Variants in GAS6 observed in about 807,000 individuals in gnomAD.
The protein encoded by GAS6 is growth arrest-specific protein 6.
GAS6 carries 41 observed loss-of-function variants against 75.8 expected under a neutral mutation model. The observed-to-expected ratio is 0.54, with a 90% CI of 0.42 to 0.70. GAS6 has a LOEUF of 0.70. Among genes scored for constraint, GAS6 ranks in the 30% least tolerant of loss-of-function variants. The probability of loss-of-function intolerance (pLI) is 0.00; values close to 1 mark genes in which losing one functional copy is unlikely to be tolerated. For synonymous variants in GAS6, 432 were observed against 412.6 expected (o/e 1.05, Z -0.57); for missense variants, 854 against 940.2 (o/e 0.91, Z 1.20).
intron 2 of GAS6, among the ~76,000 whole-genome samples, chr13:113,850,670 C>T (rs1341503692): frequency 1.3e-5 from 2 of 152,222 alleles, no homozygotes; most frequent in African/African-American, 4.8e-5. Context: ...GCCTCATGAG[C>T]CGTCACCAAA....
chr13:113,843,835 T>A (rs1232207979), intron 4 of GAS6: 1 of 150,834 alleles, frequency 6.6e-6, no homozygotes, highest in Non-Finnish European at 1.5e-5. Context: ...CAATGACCGA[T>A]AACCAGTGAA....
intron 6 of GAS6, chr13:113,836,003 A>C: frequency 9.6e-7 from 1 of 1,039,042 alleles, no homozygotes; most frequent in Non-Finnish European, 1.2e-6. Flanking sequence ...TTTGAAACTA[A>C]AACCCCAACC....
chr13:113,841,925 GC>G (rs1194113258), intron 4 of GAS6: 1 of 125,778 alleles, frequency 8.0e-6, no homozygotes, highest in African/African-American at 3.2e-5. Context: ...TCCTCCATAC[GC>G]CCCCCAGTTT....
intron 2 of GAS6, among the ~76,000 whole-genome samples, chr13:113,859,440 G>A (rs2051952075): frequency 6.6e-6 from 1 of 151,948 alleles, no homozygotes; most frequent in African/African-American, 2.4e-5. Context: ...TGTCTGGACA[G>A]TGTGTGACTG....
At chr13:113,841,269 C>T (rs764379975) in intron 4 of GAS6, 5 of 152,498 alleles carry the variant, frequency 3.3e-5, no homozygotes, top group Non-Finnish European at 7.3e-5. Flanking sequence ...TGCCTGTGGC[C>T]GGCACAGACA....
chr13:113,833,916 G>GTCATGC (rs1446786833), intron 8 of GAS6, among the ~76,000 whole-genome samples: 4 of 149,904 alleles, frequency 2.7e-5, no homozygotes, highest in Admixed American at 6.6e-5. Context: ...TGACAGGTCG[G>GTCATGC]TGTGACAGGC....
In GAS6 at chr13:113,848,172, C is replaced by A. The variant is rs577401301; in HGVS notation, c.256-122G>T. On this transcript the variant is annotated intron_variant, in intron 2 of 14. Transcript: ENST00000327773. This position sits in a 1 kb window ranked among gnomAD's most constrained non-coding sequence, Gnocchi z 4.8. ...CGGGGCAGCCAGAGGGCCGCCCCACCCGGGGAACTGAGGGGAAGTGACCGG... is the reference window on the plus strand; with the variant it reads ...CGGGGCAGCCAGAGGGCCGCCCCACACGGGGAACTGAGGGGAAGTGACCGG... The A allele has an allele frequency of 6.4e-5, 65 of 1,014,382 alleles. No individual in the cohort carries two copies. The African/African-American group carries it at 1.0e-3, about 16-fold the overall frequency. The allele number at this position is 1,014,382 out of a possible 1,614,324, so 62.8% of individuals were successfully genotyped here.
intron 2 of GAS6, among the ~76,000 whole-genome samples, chr13:113,854,354 C>T (rs56371873): frequency 0.12 from 18,299 of 152,290 alleles, 1,799 homozygotes; most frequent in African/African-American, 0.28. Flanking sequence ...TCATGGCAAA[C>T]GAGACAGAGG....
rs60255475 is a variant in GAS6 at position 113,833,158 on chromosome 13, C to T, written c.835-406G>A. ...CCTGTTCTGGGCTGTGGTTTCTCCA[C>T]GCTGCCCGAAGGGGGACAGAACCAA... On this transcript the variant is annotated intron_variant, in intron 8 of 14. Transcript: ENST00000327773. 6,156 of 1,140,106 alleles carry T rather than the reference C, an allele frequency of 5.4e-3. 241 individuals carry two copies. In the African/African-American group the frequency reaches 0.088, roughly 16 times the overall value. 70.6% of individuals were successfully genotyped at this position (1,140,106 alleles called of 1,614,324 possible).
At position 113,835,067 on chromosome 13, in the gene GAS6, G is replaced by C. The variant is rs147546996; in HGVS notation, c.713-395C>G. Reference sequence around the variant, plus strand: ...ATGGAGGTCAGTGCAGGCAGCCTGGGCTTCCCCACCCTCTCTGTCTGCCTA... The same window carrying C: ...ATGGAGGTCAGTGCAGGCAGCCTGGCCTTCCCCACCCTCTCTGTCTGCCTA... On this transcript the variant is annotated intron_variant, in intron 7 of 14. Transcript: ENST00000327773. Among the ~76,000 whole-genome samples the C allele has an allele frequency of 3.4e-3, 511 of 152,340 alleles. 16 individuals carry two copies. The highest frequency in any genetic ancestry group is 0.03 in the Admixed American group (464 of 15,306).
chr13:113,826,385 G>T (rs1428529622), intron 12 of GAS6, among the ~76,000 whole-genome samples: 1 of 147,656 alleles, frequency 6.8e-6, no homozygotes, highest in Admixed American at 6.7e-5. Flanking sequence ...CAGCCTCCCC[G>T]GCCTCGCAGG....
Position 113,823,460 on chromosome 13 carries a change from A to C in GAS6, c.1568T>G (p.Phe523Cys), listed in dbSNP as rs2051488086. The change falls in exon 13 of 15, where the codon TTT (phenylalanine) becomes TGT (cysteine). Residue 523 changes from phenylalanine (F) to cysteine (C), a missense_variant. Physicochemically the swap from Phe to Cys is radical, Grantham distance 205. Transcript: ENST00000327773. Reference sequence around the variant, plus strand: ...ACGGAGGTCGGGGGCCCAGAGCGCAAACAGCACGCCTGTGTCTGCGGCTGG... The same window carrying C: ...ACGGAGGTCGGGGGCCCAGAGCGCACACAGCACGCCTGTGTCTGCGGCTGG... ...IRPAADTGVL[F>C]ALWAPDLRAV... The C allele has an allele frequency of 6.2e-7, 1 of 1,612,670 alleles. No individual in the cohort carries two copies. The highest frequency in any genetic ancestry group is 1.1e-5 in the South Asian group (1 of 91,076).
chr13:113,821,930 C>T (rs993536277), intron 14 of GAS6, 28 bp downstream of exon 14: 26 of 1,489,816 alleles, frequency 1.7e-5, no homozygotes, highest in African/African-American at 8.3e-5. Flanking sequence ...GCTCTTCACC[C>T]GGGTTGAGCG....
In GAS6 at chr13:113,822,078, G is replaced by C; in HGVS notation, c.1762C>G (p.Leu588Val). The C allele has an allele frequency of 6.3e-7, 1 of 1,594,894 alleles. No individual in the cohort carries two copies. The highest frequency in any genetic ancestry group is 1.3e-5 in the African/African-American group (1 of 74,920). Reference sequence around the variant, plus strand: ...TGGCCCCTGGTGCCGTCCACCTCCAGGGTGGCCTCACCGTCCCTCAGCGAG... The same window carrying C: ...TGGCCCCTGGTGCCGTCCACCTCCACGGTGGCCTCACCGTCCCTCAGCGAG... ...TVSLRDGEAT[L>V]EVDGTRGQSE... The change falls in exon 14 of 15, where the codon CTG becomes GTG. Residue 588 changes from leucine (L) to valine (V), a missense_variant. Leu to Val is a conservative substitution (Grantham distance 32, BLOSUM62 1). Transcript: ENST00000327773.
chr13:113,863,693 T>C lies in GAS6; in HGVS notation c.137A>G (p.Gln46Arg). Reference sequence around the variant, plus strand: ...CTCGAAGACCTGAAAGGCGCGGCGCTGCCTGGGCCGCAGGAACTGCGTGGC... The same window carrying C: ...CTCGAAGACCTGAAAGGCGCGGCGCCGCCTGGGCCGCAGGAACTGCGTGGC... ...REATQFLRPR[Q>R]RRAFQVFEEA... is the part of the protein sequence containing the mutation. The change falls in exon 2 of 15, where the codon CAG becomes CGG. Residue 46 changes from glutamine to arginine, a missense_variant. Physicochemically the swap from Gln to Arg is conservative, Grantham distance 43. Coordinates refer to ENST00000327773, the MANE Select transcript of GAS6 (RefSeq NM_000820.4). This position sits in a 1 kb window ranked among gnomAD's most constrained non-coding sequence, Gnocchi z 9.4. The C allele has an allele frequency of 6.6e-7, 1 of 1,514,936 alleles. No homozygotes were observed. Among genetic ancestry groups the C allele is most frequent in the Non-Finnish European group, 8.8e-7 (1 of 1,133,090 alleles). The allele number at this position is 1,514,936 out of a possible 1,614,324, so 93.8% of individuals were successfully genotyped here.
At chr13:113,826,116 C>T (rs950624530) in intron 12 of GAS6, among the ~76,000 whole-genome samples, 16 of 152,212 alleles carry the variant, frequency 1.1e-4, no homozygotes, top group African/African-American at 3.9e-4. Flanking sequence ...CCGGAGCCTG[C>T]ACTGGGGAGG....
At chr13:113,834,969 G>A (rs1192972211) in intron 7 of GAS6, among the ~76,000 whole-genome samples, 2 of 152,244 alleles carry the variant, frequency 1.3e-5, no homozygotes, top group Non-Finnish European at 2.9e-5. Context: ...AGGCAGGTCT[G>A]GGAAGCACAG....
chr13:113,838,460 A>G (rs112975912), intron 5 of GAS6, among the ~76,000 whole-genome samples: 123 of 83,190 alleles, frequency 1.5e-3, no homozygotes, highest in South Asian at 2.3e-3. Flanking sequence ...GAGGGAGCCC[A>G]GGGGTGCACA....
Position 113,844,724 on chromosome 13 carries a change from G to T in GAS6, c.343+1803C>A, listed in dbSNP as rs1330920467. Reference sequence around the variant, plus strand: ...GGCCGAGTCTAAAGCTGTGGCCACGGCCTGTGGAAACCCGGCAGAAAATCT... The same window carrying T: ...GGCCGAGTCTAAAGCTGTGGCCACGTCCTGTGGAAACCCGGCAGAAAATCT... On this transcript the variant is annotated intron_variant, in intron 4 of 14. Coordinates refer to ENST00000327773, the MANE Select transcript of GAS6 (RefSeq NM_000820.4). This position sits in a 1 kb window ranked among gnomAD's most constrained non-coding sequence, Gnocchi z 5.7. 1 of 150,636 alleles carries T rather than the reference G, an allele frequency of 6.6e-6. No homozygotes were observed. Among genetic ancestry groups the T allele is most frequent in the Non-Finnish European group, 1.5e-5 (1 of 68,022 alleles). 9.3% of individuals were successfully genotyped at this position (150,636 alleles called of 1,614,324 possible).
Sources: gnomAD v4.1 joint callset for allele counts (sites outside exome capture counted in the v4.1 genomes callset) on GRCh38, gnomAD v4.1.1 for gene constraint, Gnocchi (gnomAD v3.1) non-coding constraint, MANE v1.5 for transcripts, NCBI Gene and HGNC (gene_info 2026-07-23, HGNC 2026-07-21) for gene names.